SFXN5: variants seen among roughly 807,000 people sequenced by gnomAD.
SFXN5 encodes sideroflexin-5.
Under a neutral mutation model 50.2 loss-of-function variants are expected in SFXN5, and 43 were observed. That is an observed-to-expected ratio of 0.86 (90% CI 0.67 to 1.11). SFXN5 has a LOEUF of 1.11. SFXN5 is among the 50% of genes least tolerant of loss of function. SFXN5 has a pLI of 0.00. For missense variants in SFXN5, 463 were observed against 454.1 expected, an observed-to-expected ratio of 1.02 and a Z score of -0.18; for synonymous variants, 203 against 185.8, an observed-to-expected ratio of 1.09 and a Z score of -0.75.
chr2:72,966,906 A>C (rs1470160567), intron 12 of SFXN5, among the ~76,000 whole-genome samples: 1 of 152,080 alleles, frequency 6.6e-6, no homozygotes, highest in Non-Finnish European at 1.5e-5. Flanking sequence ...CCTTATAAAC[A>C]CACAGGCTTC....
At chr2:73,034,782 C>T (rs2105898816) in intron 3 of SFXN5, among the ~76,000 whole-genome samples, 1 of 152,300 alleles carries the variant, frequency 6.6e-6, no homozygotes, top group Middle Eastern at 3.4e-3. Context: ...ACTGATCCTA[C>T]CACAATACCA....
At chr2:72,946,813 C>A (rs1013620989) in intron 13 of SFXN5, among the ~76,000 whole-genome samples, 5 of 152,226 alleles carry the variant, frequency 3.3e-5, no homozygotes, top group African/African-American at 1.2e-4. Context: ...AACTGCAAGT[C>A]TTCCCATGCC....
intron 3 of SFXN5, among the ~76,000 whole-genome samples, chr2:73,040,364 CAACAGTATCCTAATCCT>C (rs1679464611): frequency 1.3e-5 from 2 of 152,120 alleles, no homozygotes; most frequent in Admixed American, 1.3e-4. Context: ...AAGAATAAAA[CAACAGTATCCTAATCCT>C]AATCCTCAAC....
intron 3 of SFXN5, among the ~76,000 whole-genome samples, chr2:73,034,751 T>C (rs1402019012): frequency 6.6e-6 from 1 of 152,198 alleles, no homozygotes; most frequent in Admixed American, 6.5e-5. Context: ...TCCTCCCCAG[T>C]GCACTCTGGC....
intron 7 of SFXN5, 46 bp downstream of exon 7, chr2:73,001,479 G>A (rs370379917): frequency 3.5e-5 from 56 of 1,602,620 alleles, no homozygotes; most frequent in Middle Eastern, 1.7e-4. Flanking sequence ...ACCAGCACCT[G>A]TGTGGGCCCT....
intron 1 of SFXN5, among the ~76,000 whole-genome samples, chr2:73,070,067 C>CG (rs1683462747): frequency 6.6e-6 from 1 of 152,146 alleles, no homozygotes; most frequent in Non-Finnish European, 1.5e-5. Context: ...AGGAAGCCTG[C>CG]GATCTGATGG....
intron 3 of SFXN5, among the ~76,000 whole-genome samples, chr2:73,033,534 G>A (rs973506170): frequency 6.6e-6 from 1 of 152,214 alleles, no homozygotes; most frequent in Non-Finnish European, 1.5e-5. Context: ...ACACTTGAAG[G>A]AGAGAATGAG....
intron 6 of SFXN5, among the ~76,000 whole-genome samples, chr2:73,005,725 AG>A (rs1399365315): frequency 1.3e-5 from 2 of 152,186 alleles, no homozygotes; most frequent in Non-Finnish European, 2.9e-5. Context: ...CTCAGAGAAC[AG>A]AGCTCTGGAA....
intron 10 of SFXN5, among the ~76,000 whole-genome samples, chr2:72,984,415 C>G (rs933001333): frequency 6.6e-6 from 1 of 152,254 alleles, no homozygotes; most frequent in South Asian, 2.1e-4. Context: ...GAGGACACCG[C>G]GTAGCCTTGG....
At chr2:72,984,352 G>A (rs188410279) in intron 10 of SFXN5, among the ~76,000 whole-genome samples, 3 of 152,336 alleles carry the variant, frequency 2.0e-5, no homozygotes, top group East Asian at 3.9e-4. Context: ...TGACACAGGC[G>A]TGTGCACACA....
At chr2:73,065,153 T>C (rs1683084697) in intron 1 of SFXN5, among the ~76,000 whole-genome samples, 1 of 152,104 alleles carries the variant, frequency 6.6e-6, no homozygotes, top group African/African-American at 2.4e-5. Flanking sequence ...CCAGCTGGAG[T>C]GCAGTTGTGT....
chr2:72,980,705 T>A (rs1194502975), intron 10 of SFXN5, among the ~76,000 whole-genome samples: 1 of 152,208 alleles, frequency 6.6e-6, no homozygotes, highest in Non-Finnish European at 1.5e-5. Context: ...AGCCCCTTTT[T>A]ATCACAGCTG....
chr2:73,052,918 C>T (rs947820058), intron 2 of SFXN5, among the ~76,000 whole-genome samples: 3 of 152,250 alleles, frequency 2.0e-5, no homozygotes, highest in African/African-American at 4.8e-5. Context: ...TGGCTCATGC[C>T]TGTAATCCCA....
At chr2:72,978,407 C>T (rs1166466174) in intron 10 of SFXN5, among the ~76,000 whole-genome samples, 1 of 151,748 alleles carries the variant, frequency 6.6e-6, no homozygotes, top group African/African-American at 2.4e-5. Context: ...CTCAGCCTCC[C>T]AAGTAGCTGC....
intron 2 of SFXN5, among the ~76,000 whole-genome samples, chr2:73,057,148 T>G (rs1682250402): frequency 6.6e-6 from 1 of 152,186 alleles, no homozygotes; most frequent in South Asian, 2.1e-4. Context: ...AAAAGCATTT[T>G]TTTTTTAAAA....
intron 3 of SFXN5, among the ~76,000 whole-genome samples, chr2:73,032,916 A>G (rs1050610794): frequency 3.3e-5 from 5 of 152,188 alleles, no homozygotes; most frequent in Admixed American, 6.5e-5. Context: ...ATATGTACCT[A>G]TTGCAAGTCT....
intron 3 of SFXN5, among the ~76,000 whole-genome samples, chr2:73,038,391 A>G (rs1679226104): frequency 6.6e-6 from 1 of 152,202 alleles, no homozygotes; most frequent in South Asian, 2.1e-4. Context: ...TGAGTCACTG[A>G]GTGTGTAGTG....
At position 73,022,523 on chromosome 2, in the gene SFXN5, T is replaced by C. The variant is rs1238143979; in HGVS notation, c.330A>G (p.Ser110=). 6.2e-7 allele frequency: 1 copy of C among 1,612,000 alleles called. No individual in the cohort carries two copies. Among genetic ancestry groups the C allele is most frequent in the Non-Finnish European group, 8.5e-7 (1 of 1,179,336 alleles). The part of the protein sequence containing the change: ...NEKIFMPFRM[S]GYIPFGTPIV... ...ACCAGAAGGGCCCCAGGAGCTTACC[T>C]GACATTCTAAATGGCATGAAGATCT... Residue 110 remains serine, a splice_region_variant and synonymous_variant, in exon 5 of 14, where the codon TCA becomes TCG. Transcript: ENST00000272433.
intron 3 of SFXN5, among the ~76,000 whole-genome samples, chr2:73,026,148 G>A: frequency 1.4e-5 from 1 of 72,358 alleles, no homozygotes; most frequent in Admixed American, 1.2e-4. Context: ...CTTTTTTTGA[G>A]ACAGAGTCTT....
Sources: allele counts gnomAD v4.1 joint callset (sites outside exome capture counted in the v4.1 genomes callset), GRCh38; gene constraint gnomAD v4.1.1; transcripts MANE v1.5; gene names NCBI Gene and HGNC (gene_info 2026-07-23, HGNC 2026-07-21).